The following PAICS variants were observed in gnomAD, a reference collection of about 807,000 sequenced individuals.
PAICS encodes the protein bifunctional phosphoribosylaminoimidazole carboxylase/phosphoribosylaminoimidazole succinocarboxamide synthetase.
PAICS carries 33 observed loss-of-function variants against 53.7 expected under a neutral mutation model. The ratio of observed to expected loss-of-function variants is 0.61; its 90% confidence interval spans 0.47 to 0.82. The LOEUF is 0.82. Ranked by LOEUF, PAICS falls within the 40% of genes least tolerant of loss-of-function variation. The pLI is 0.00. For synonymous variants in PAICS, 141 were observed against 167.2 expected (o/e 0.84, Z 1.21); for missense variants, 394 against 494.1 (o/e 0.80, Z 1.92).
At chr4:56,433,047 T>A (rs1347473083), upstream of PAICS, among the ~76,000 whole-genome samples, 1 of 151,338 alleles carries the variant, frequency 6.6e-6, no homozygotes, top group Non-Finnish European at 1.5e-5. Flanking sequence ...CTTAGTTTTA[T>A]TCTGGCCCTT....
chr4:56,452,543 A>G (rs558462528), intron 7 of PAICS, among the ~76,000 whole-genome samples: 1 of 152,218 alleles, frequency 6.6e-6, no homozygotes, highest in Non-Finnish European at 1.5e-5. Context: ...AGAAAGGAGC[A>G]GGGAGAAATA....
chr4:56,427,070 G>C, the PAICS span, among the ~76,000 whole-genome samples: 1 of 152,164 alleles, frequency 6.6e-6, no homozygotes, highest in Non-Finnish European at 1.5e-5. Context: ...GCATTTATCA[G>C]AATTTCCTTC....
At chr4:56,443,773 G>A (rs1400680057) in intron 2 of PAICS, among the ~76,000 whole-genome samples, 1 of 152,142 alleles carries the variant, frequency 6.6e-6, no homozygotes, top group African/African-American at 2.4e-5. Context: ...TGTTATGTTT[G>A]TCCAGGACTT....
At chr4:56,436,710 A>G in intron 1 of PAICS, 1 of 446,986 alleles carries the variant, frequency 2.2e-6, no homozygotes. Context: ...AGACCTGTCT[A>G]GAGGCCGGGC....
At chr4:56,415,235 A>G in the PAICS span, among the ~76,000 whole-genome samples, 4 of 152,214 alleles carry the variant, frequency 2.6e-5, no homozygotes, top group African/African-American at 4.8e-5. Flanking sequence ...ACATTTGGCA[A>G]TGAAATGATT....
the PAICS span, chr4:56,420,308 G>A: frequency 6.6e-6 from 1 of 152,146 alleles, no homozygotes; most frequent in Admixed American, 6.5e-5. Flanking sequence ...ACAAAGTTTT[G>A]ACTATACCCA....
At chr4:56,440,297 T>C (rs1437480040) in intron 1 of PAICS, among the ~76,000 whole-genome samples, 4 of 152,186 alleles carry the variant, frequency 2.6e-5, no homozygotes, top group Non-Finnish European at 4.4e-5. Context: ...AAAGGGACTT[T>C]TAAACCATGT....
the PAICS span, chr4:56,410,741 G>A: frequency 2.0e-6 from 2 of 986,696 alleles, no homozygotes; most frequent in African/African-American, 3.5e-5. Context: ...AGTTAAATAT[G>A]CCCATAACTC....
the PAICS span, among the ~76,000 whole-genome samples, chr4:56,427,104 T>G: frequency 6.6e-6 from 1 of 152,374 alleles, no homozygotes; most frequent in East Asian, 1.9e-4. Context: ...ATTGTATGGA[T>G]ACACCATTTT....
the PAICS span, chr4:56,420,337 A>G: frequency 1.3e-5 from 2 of 152,234 alleles, no homozygotes; most frequent in South Asian, 4.1e-4. Context: ...GGTCAAGTGT[A>G]TAATTTTCCA....
At chr4:56,457,280 G>A (rs988220669) in intron 8 of PAICS, among the ~76,000 whole-genome samples, 5 of 152,136 alleles carry the variant, frequency 3.3e-5, no homozygotes, top group Non-Finnish European at 7.3e-5. Flanking sequence ...AGGCATGGTG[G>A]CACACGCCTG....
Position 56,462,655 on chromosome 4 carries a change from A to C in PAICS, c.*3117A>C, listed in dbSNP as rs1383236664. 1 of 152,214 alleles carries C rather than the reference A, an allele frequency of 6.6e-6. No homozygotes were observed. The highest frequency in any genetic ancestry group is 1.9e-4 in the East Asian group (1 of 5,186). 9.4% of individuals were successfully genotyped at this position (152,214 alleles called of 1,614,324 possible). On this transcript the variant is annotated 3_prime_UTR_variant, in exon 9 of 9. Coordinates refer to ENST00000512576, the MANE Select transcript of PAICS (RefSeq NM_001079524.2). ...CACACAAATGTGTTATGTAATATCCATTTGGCAGACTGAAGAACAACAGTA... is the reference window on the plus strand; with the variant it reads ...CACACAAATGTGTTATGTAATATCCCTTTGGCAGACTGAAGAACAACAGTA...
At position 56,441,826 on chromosome 4, in the gene PAICS, C is replaced by G. The variant is rs773078210; in HGVS notation, c.180C>G (p.Ile60Met). 1 of 1,598,148 alleles carries G rather than the reference C, an allele frequency of 6.3e-7. No individual in the cohort carries two copies. Among genetic ancestry groups the G allele is most frequent in the Non-Finnish European group, 8.5e-7 (1 of 1,171,990 alleles). ...GAAAAGCTGCAATCTCAAATAAAAT[C>G]ACCAGTTGTATTTTTCAGTTATTAC... ...LEGKAAISNK[I>M]TSCIFQLLQE... is the part of the protein sequence containing the mutation. The change falls in exon 2 of 9, where the codon ATC becomes ATG. Residue 60 changes from isoleucine (I) to methionine (M), a missense_variant. This residue lies in a region of PAICS where 168 missense variants were observed against 199.3 expected (regional missense o/e 0.84). Coordinates refer to ENST00000512576, the MANE Select transcript of PAICS (RefSeq NM_001079524.2).
chr4:56,425,470 C>T, the PAICS span: 2 of 689,254 alleles, frequency 2.9e-6, no homozygotes, highest in South Asian at 1.3e-4. Flanking sequence ...TGCTGCTAAT[C>T]TTAAATACAG....
At chr4:56,436,195 C>T, upstream of PAICS, 3 of 1,522,490 alleles carry the variant, frequency 2.0e-6, no homozygotes, top group Non-Finnish European at 2.7e-6. Context: ...AAAAGAGTGG[C>T]GCAGGGTCGC....
chr4:56,444,023 G>C (rs1259843054), intron 2 of PAICS, among the ~76,000 whole-genome samples: 1 of 151,792 alleles, frequency 6.6e-6, no homozygotes, highest in Non-Finnish European at 1.5e-5. Flanking sequence ...TACATATTAG[G>C]AATTCCATTA....
At chr4:56,432,991 C>T (rs1429452970), upstream of PAICS, among the ~76,000 whole-genome samples, 1 of 147,286 alleles carries the variant, frequency 6.8e-6, no homozygotes, top group African/African-American at 2.6e-5. Context: ...CATACACACA[C>T]GTATTTTATA....
At chr4:56,418,952 T>C in the PAICS span, among the ~76,000 whole-genome samples, 1 of 152,176 alleles carries the variant, frequency 6.6e-6, no homozygotes, top group African/African-American at 2.4e-5. Context: ...TAAAAGAAAA[T>C]ACTTCATTTA....
chr4:56,450,196 A>C (rs1718835527), intron 5 of PAICS, among the ~76,000 whole-genome samples: 1 of 152,118 alleles, frequency 6.6e-6, no homozygotes, highest in Admixed American at 6.5e-5. Context: ...GGGGAGGGAG[A>C]GCATTAGGAG....
Sources: allele counts gnomAD v4.1 joint callset (sites outside exome capture counted in the v4.1 genomes callset), GRCh38; gene constraint gnomAD v4.1.1; regional missense constraint gnomAD v4.1.1; transcripts MANE v1.5; gene names NCBI Gene and HGNC (gene_info 2026-07-23, HGNC 2026-07-21).